The following TAOK3 variants were observed in gnomAD, a reference collection of about 807,000 sequenced individuals.
TAOK3 encodes the protein TAO kinase 3.
Under a neutral mutation model 120.4 loss-of-function variants are expected in TAOK3, and 40 were observed. The ratio of observed to expected loss-of-function variants is 0.33; its 90% CI spans 0.26 to 0.43. TAOK3 has a LOEUF of 0.43. TAOK3 is among the 20% of genes least tolerant of loss of function. TAOK3 has a pLI of 1.00. For missense variants in TAOK3, 821 were observed against 1,112.1 expected (o/e 0.74, Z 3.72); for synonymous variants, 355 against 387.5 (o/e 0.92, Z 0.99).
chr12:118,238,252 G>T, intron 6 of TAOK3, 83 bp from the exon 7 acceptor site: 1 of 709,372 alleles, frequency 1.4e-6, no homozygotes, highest in Non-Finnish European at 2.3e-6. Context: ...ACCAGACTGG[G>T]TTACATACTT....
chr12:118,322,342 A>G (rs951671061), intron 1 of TAOK3, among the ~76,000 whole-genome samples: 2 of 151,550 alleles, frequency 1.3e-5, no homozygotes, highest in Non-Finnish European at 2.9e-5. Flanking sequence ...AAAATTGAAG[A>G]AAGACACTGC....
At chr12:118,343,698 T>C (rs920234011) in intron 1 of TAOK3, among the ~76,000 whole-genome samples, 3 of 152,132 alleles carry the variant, frequency 2.0e-5, no homozygotes, top group African/African-American at 7.2e-5. Context: ...TAATTTTTGT[T>C]AACTCTATGA....
chr12:118,363,980 G>A (rs1373753321), intron 1 of TAOK3, among the ~76,000 whole-genome samples: 1 of 151,970 alleles, frequency 6.6e-6, no homozygotes, highest in East Asian at 1.9e-4. Context: ...AATTAGCTGG[G>A]CATGGTGACG....
chr12:118,295,943 G>C (rs2042664945), intron 1 of TAOK3, among the ~76,000 whole-genome samples: 1 of 152,162 alleles, frequency 6.6e-6, no homozygotes, highest in Non-Finnish European at 1.5e-5. Context: ...GGTTAGAGCA[G>C]GCAGTAGCTA....
At chr12:118,193,049 G>GTTTTTTTTTTTTT (rs11380296) in intron 13 of TAOK3, among the ~76,000 whole-genome samples, 1 of 107,408 alleles carries the variant, frequency 9.3e-6, no homozygotes, top group Non-Finnish European at 1.8e-5. Context: ...CCACGTTGTT[G>GTTTTTTTTTTTTT]TTTTTTTTTT....
intron 1 of TAOK3, among the ~76,000 whole-genome samples, chr12:118,275,984 A>T (rs903049695): frequency 6.6e-6 from 1 of 152,146 alleles, no homozygotes; most frequent in African/African-American, 2.4e-5. Flanking sequence ...CAGCGTGGGT[A>T]AGGGAAAGTG....
intron 1 of TAOK3, among the ~76,000 whole-genome samples, chr12:118,336,918 A>G (rs2044391863): frequency 6.6e-6 from 1 of 152,128 alleles, no homozygotes; most frequent in African/African-American, 2.4e-5. Flanking sequence ...CTAAAGATAT[A>G]CAAATTAGCT....
chr12:118,302,741 C>G (rs1320747134), intron 1 of TAOK3, among the ~76,000 whole-genome samples: 1 of 152,136 alleles, frequency 6.6e-6, no homozygotes, highest in Admixed American at 6.5e-5. Context: ...CTATTCAATG[C>G]TGATAACTGA....
intron 11 of TAOK3, among the ~76,000 whole-genome samples, chr12:118,203,759 G>C (rs1465404898): frequency 1.3e-5 from 2 of 151,852 alleles, no homozygotes; most frequent in Admixed American, 6.6e-5. Flanking sequence ...GAAAGGTAGG[G>C]TTACCACCTG....
At chr12:118,361,914 A>AAAAAAT (rs112950096) in intron 1 of TAOK3, among the ~76,000 whole-genome samples, 62 of 143,804 alleles carry the variant, frequency 4.3e-4, no homozygotes, top group Non-Finnish European at 1.5e-4. Context: ...CTATTAATAA[A>AAAAAAT]AATAATAATA....
At chr12:118,157,211 C>T (rs2034896385) in intron 19 of TAOK3, among the ~76,000 whole-genome samples, 1 of 152,124 alleles carries the variant, frequency 6.6e-6, no homozygotes, top group African/African-American at 2.4e-5. Flanking sequence ...CCTCATACCC[C>T]AGGTAAAAGT....
intron 1 of TAOK3, among the ~76,000 whole-genome samples, chr12:118,349,739 G>T (rs564023931): frequency 6.6e-6 from 1 of 152,122 alleles, no homozygotes; most frequent in South Asian, 2.1e-4. Context: ...ATTTAAAAAG[G>T]TAAGTTTTAT....
rs1295410807 is a variant in TAOK3 at position 118,243,183 on chromosome 12, ATCTCTT to A, written c.294+226_294+231del. 5.3e-5 allele frequency among the ~76,000 whole-genome samples: 8 copies of A among 152,274 alleles called. No homozygotes were observed. In the East Asian group the frequency reaches 1.5e-3, roughly 29 times the overall value. On this transcript the variant is annotated intron_variant, in intron 5 of 20. Transcript: ENST00000392533. ...TATAAAATGATGTCAACTTTTCACC[ATCTCTT>A]TCTGAGTGTTTATAGAATGGAATTT... is the stretch of plus-strand genomic sequence containing the variant.
At chr12:118,174,051 T>C (rs12425188) in intron 16 of TAOK3, among the ~76,000 whole-genome samples, 2,209 of 152,300 alleles carry the variant, frequency 0.015, 32 homozygotes, top group Middle Eastern at 0.061. Context: ...ATTCATCTCT[T>C]CATGCCGTGA....
chr12:118,369,293 T>A lies in TAOK3; in HGVS notation c.-194+3355A>T, dbSNP rs1437261560. Among the ~76,000 whole-genome samples, 5 of 152,168 alleles carry A rather than the reference T, an allele frequency of 3.3e-5. No homozygotes were observed. In the South Asian group the frequency reaches 8.3e-4, roughly 25 times the overall value. ...TAGTTTTTTGAAACAAATGAAAAAA[T>A]TTTTCACAGAATCCCTACCTACTCT... is the stretch of plus-strand genomic sequence containing the variant. On this transcript the variant is annotated intron_variant, in intron 1 of 20. Transcript: ENST00000392533.
intron 9 of TAOK3, among the ~76,000 whole-genome samples, chr12:118,227,722 A>T (rs2039575084): frequency 6.6e-6 from 1 of 152,190 alleles, no homozygotes; most frequent in Non-Finnish European, 1.5e-5. Flanking sequence ...CCCAGGAGGG[A>T]TCATCTGCAT....
chr12:118,254,708 G>A (rs2040905434), intron 3 of TAOK3, among the ~76,000 whole-genome samples: 1 of 152,108 alleles, frequency 6.6e-6, no homozygotes, highest in Admixed American at 6.5e-5. Flanking sequence ...AGGCAGGAAA[G>A]AGCTTAGCAT....
chr12:118,329,581 T>TG (rs2044065223), intron 1 of TAOK3, among the ~76,000 whole-genome samples: 1 of 152,070 alleles, frequency 6.6e-6, no homozygotes, highest in Non-Finnish European at 1.5e-5. Context: ...CCCATACTTA[T>TG]GGGGGGGTTG....
intron 2 of TAOK3, among the ~76,000 whole-genome samples, chr12:118,256,915 T>G (rs1272261706): frequency 6.6e-6 from 1 of 152,224 alleles, no homozygotes; most frequent in East Asian, 1.9e-4. Context: ...ATGTAAATTA[T>G]ATTGTAGAGA....
Sources: allele counts gnomAD v4.1 joint callset (sites outside exome capture counted in the v4.1 genomes callset), GRCh38; gene constraint gnomAD v4.1.1; transcripts MANE v1.5; gene names NCBI Gene and HGNC (gene_info 2026-07-23, HGNC 2026-07-21).